MCRIP1: variants seen among roughly 807,000 people sequenced by gnomAD.
The protein encoded by MCRIP1 is MAPK regulated corepressor interacting protein 1, also known as mapk-regulated corepressor-interacting protein 1.
MCRIP1 carries 10 observed loss-of-function variants against 14.4 expected under a neutral mutation model. The ratio of observed to expected loss-of-function variants is 0.70; its 90% CI spans 0.43 to 1.18. The LOEUF (loss-of-function observed/expected upper bound fraction) is 1.18. MCRIP1 is among the 50% of genes most tolerant of loss of function. The probability of loss-of-function intolerance (pLI) is 0.00; values close to 1 mark genes in which losing one functional copy is unlikely to be tolerated. For synonymous variants in MCRIP1, 53 were observed against 55.7 expected, an observed-to-expected ratio of 0.95 and a Z score of 0.21; for missense variants, 119 against 135.4, an observed-to-expected ratio of 0.88 and a Z score of 0.60.
intron 1 of MCRIP1, among the ~76,000 whole-genome samples, chr17:81,829,210 T>G (rs1330010457): frequency 7.9e-5 from 11 of 139,714 alleles, no homozygotes; most frequent in Non-Finnish European, 1.2e-4. Flanking sequence ...ACACCTCAGC[T>G]GCCCAGGTAA....
chr17:81,826,755 G>GCT (rs2038408357), intron 1 of MCRIP1: 2 of 201,434 alleles, frequency 9.9e-6, no homozygotes, highest in Non-Finnish European at 2.0e-5. Flanking sequence ...GGAGGTGGAG[G>GCT]TGCAGTGAGC....
In MCRIP1 at chr17:81,823,192, G is replaced by A; in HGVS notation, c.*55C>T. 3 of 1,506,074 alleles carry A rather than the reference G, an allele frequency of 2.0e-6. No individual in the cohort carries two copies. The highest frequency in any genetic ancestry group is 2.7e-6 in the Non-Finnish European group (3 of 1,120,668). 93.3% of individuals were successfully genotyped at this position (1,506,074 alleles called of 1,614,324 possible). A position where few individuals can be genotyped will look rare whatever the true frequency, so the allele number is the denominator to read the frequency against. ...AGGGGCAGGACCACAGGACAGGAGG[G>A]AACCGACACCTCGCACCCTGATCTT... On this transcript the variant is annotated 3_prime_UTR_variant, in exon 5 of 5. Coordinates refer to ENST00000455127, the MANE Select transcript of MCRIP1 (RefSeq NM_207368.5). The surrounding 1 kb of genome is among the most constrained non-coding windows in gnomAD (Gnocchi z 6.0).
chr17:81,823,552 C>G lies in MCRIP1; in HGVS notation c.128-39G>C. The G allele has an allele frequency of 6.7e-7, 1 of 1,498,432 alleles. No individual in the cohort carries two copies. Among genetic ancestry groups the G allele is most frequent in the Non-Finnish European group, 9.0e-7 (1 of 1,113,600 alleles). The allele number at this position is 1,498,432 out of a possible 1,614,324, so 92.8% of individuals were successfully genotyped here. ...GAGTGGTGTGCTCAGGGCCCCCTGCCCCAGGGGGTGGCATCCACGTCACGA... is the reference window on the plus strand; with the variant it reads ...GAGTGGTGTGCTCAGGGCCCCCTGCGCCAGGGGGTGGCATCCACGTCACGA... On this transcript the variant is annotated intron_variant, in intron 3 of 4. Transcript: ENST00000455127. This position sits in a 1 kb window ranked among gnomAD's most constrained non-coding sequence, Gnocchi z 6.0.
chr17:81,827,389 A>C (rs576955104), intron 1 of MCRIP1, among the ~76,000 whole-genome samples: 39 of 151,580 alleles, frequency 2.6e-4, no homozygotes, highest in African/African-American at 9.4e-4. Context: ...CTCCCGCCTC[A>C]GCCTCCCAAG....
chr17:81,828,809 G>A (rs950612427), intron 1 of MCRIP1, among the ~76,000 whole-genome samples: 1 of 152,200 alleles, frequency 6.6e-6, no homozygotes, highest in African/African-American at 2.4e-5. Context: ...AGCCATCCAC[G>A]GAGAGGGCTG....
At chr17:81,830,684 C>T (rs1282131238) in intron 1 of MCRIP1, among the ~76,000 whole-genome samples, 1 of 151,696 alleles carries the variant, frequency 6.6e-6, no homozygotes, top group Non-Finnish European at 1.5e-5. Flanking sequence ...AATCCTAGCA[C>T]TTTGGGAGGT....
chr17:81,824,444 G>A, intron 2 of MCRIP1, 39 bp from the exon 3 acceptor site: 1 of 1,534,104 alleles, frequency 6.5e-7, no homozygotes, highest in Non-Finnish European at 8.7e-7. Context: ...CACACAGCAG[G>A]GTGGGAGCCC....
At chr17:81,826,506 G>A (rs2038400084) in intron 1 of MCRIP1, 3 of 689,438 alleles carry the variant, frequency 4.4e-6, no homozygotes, top group Middle Eastern at 2.6e-4. Context: ...CCAGGCAACA[G>A]AGCAAGACCC....
chr17:81,824,576 G>A, intron 1 of MCRIP1, 22 bp from the exon 2 acceptor site: 2 of 1,535,856 alleles, frequency 1.3e-6, no homozygotes, highest in Non-Finnish European at 1.7e-6. Context: ...GCCAGCGCAG[G>A]CATGGGACGC....
At chr17:81,826,817 C>CAAAAA (rs1169330913) in intron 1 of MCRIP1, among the ~76,000 whole-genome samples, 2 of 47,050 alleles carry the variant, frequency 4.3e-5, no homozygotes, top group East Asian at 7.4e-4. Flanking sequence ...GACTCCATCT[C>CAAAAA]AAAAAAAAAA....
chr17:81,826,688 A>C (rs187402118), intron 1 of MCRIP1: 3 of 365,132 alleles, frequency 8.2e-6, no homozygotes, highest in African/African-American at 6.5e-5. Flanking sequence ...GCGTGGTGGC[A>C]GGCACCCGTA....
rs1231030480 is a variant in MCRIP1, at chr17:81,822,660, TC to T, written c.*586del. 1 of 157,734 alleles carries T rather than the reference TC, an allele frequency of 6.3e-6. No homozygotes were observed. The highest frequency in any genetic ancestry group is 2.4e-5 in the African/African-American group (1 of 41,466). The allele number at this position is 157,734 out of a possible 1,614,324, so 9.8% of individuals were successfully genotyped here. On this transcript the variant is annotated 3_prime_UTR_variant, in exon 5 of 5. Transcript: ENST00000455127. ...GACCCCCTTGGGGGGCCCGGCAGTA[TC>T]CTAGGCCCAAAGAGCTGGTGCCATC...
chr17:81,826,266 C>A (rs1158530012), intron 1 of MCRIP1: 2 of 1,531,510 alleles, frequency 1.3e-6, no homozygotes, highest in East Asian at 2.4e-5. Flanking sequence ...CACATACCTA[C>A]CTGCACACAC....
intron 1 of MCRIP1, among the ~76,000 whole-genome samples, chr17:81,828,814 G>C (rs760000034): frequency 5.3e-5 from 8 of 152,192 alleles, no homozygotes; most frequent in Non-Finnish European, 1.5e-5. Flanking sequence ...TCCACGGAGA[G>C]GGCTGGAGGT....
At position 81,823,063 on chromosome 17, in the gene MCRIP1, C is replaced by T; in HGVS notation, c.*184G>A. ...CCCATGATGGGGGCAGCCTGAGACC[C>T]CCAAGGATGAAGGAAGGGGGCTTGG... On this transcript the variant is annotated 3_prime_UTR_variant, in exon 5 of 5. Transcript: ENST00000455127. The surrounding 1 kb of genome is among the most constrained non-coding windows in gnomAD (Gnocchi z 6.0). The T allele has an allele frequency of 1.5e-6, 1 of 656,046 alleles. No individual in the cohort carries two copies. Among genetic ancestry groups the T allele is most frequent in the Non-Finnish European group, 2.7e-6 (1 of 372,220 alleles). 40.6% of individuals were successfully genotyped at this position (656,046 alleles called of 1,614,324 possible).
intron 1 of MCRIP1, chr17:81,825,304 C>T: frequency 2.7e-6 from 3 of 1,126,392 alleles, no homozygotes; most frequent in South Asian, 4.0e-5. Flanking sequence ...TATTTTGAGG[C>T]TCAGACGCTC....
chr17:81,826,522 C>CAAA (rs4013609), intron 1 of MCRIP1: 6,824 of 510,036 alleles, frequency 0.013, 293 homozygotes, highest in African/African-American at 0.11. Flanking sequence ...GACCCTGTGT[C>CAAA]AAAAAAAAAA....
intron 1 of MCRIP1, among the ~76,000 whole-genome samples, chr17:81,831,226 G>A (rs2038511674): frequency 6.7e-6 from 1 of 150,324 alleles, no homozygotes; most frequent in South Asian, 2.1e-4. Context: ...TGTAATTCCA[G>A]CTTCTCAGGA....
Position 81,823,868 on chromosome 17 carries a change from A to C in MCRIP1, c.128-355T>G. ...CCTCCCCGGCCCCAGCACACGGCAC[A>C]CTCCCCTAATCCCAGACAACCACCT... is the stretch of plus-strand genomic sequence containing the variant. On this transcript the variant is annotated intron_variant, in intron 3 of 4. Coordinates refer to ENST00000455127, the MANE Select transcript of MCRIP1 (RefSeq NM_207368.5). This position sits in a 1 kb window ranked among gnomAD's most constrained non-coding sequence, Gnocchi z 6.0. The C allele has an allele frequency of 5.7e-6, 3 of 527,404 alleles. No homozygotes were observed. Among genetic ancestry groups the C allele is most frequent in the South Asian group, 5.0e-5 (2 of 40,354 alleles). The allele number at this position is 527,404 out of a possible 1,614,324, so 32.7% of individuals were successfully genotyped here.
Sources: allele counts gnomAD v4.1 joint callset (sites outside exome capture counted in the v4.1 genomes callset), GRCh38; gene constraint gnomAD v4.1.1; non-coding constraint Gnocchi (gnomAD v3.1); transcripts MANE v1.5; gene names NCBI Gene and HGNC (gene_info 2026-07-23, HGNC 2026-07-21).